The following MINAR1 variants were observed in gnomAD, a reference collection of about 807,000 sequenced individuals.
The protein encoded by MINAR1 is major intrinsically disordered Notch2-binding receptor 1.
MINAR1 carries 40 observed loss-of-function variants against 65.1 expected under a neutral mutation model. That is an observed-to-expected ratio of 0.61 (90% confidence interval 0.48 to 0.80). The LOEUF is 0.80. Ranked by LOEUF, MINAR1 falls within the 30% of genes least tolerant of loss-of-function variation. The pLI is 0.00. For missense variants in MINAR1, 1,128 were observed against 1,148.0 expected, an observed-to-expected ratio of 0.98 and a Z score of 0.25; for synonymous variants, 482 against 449.1, an observed-to-expected ratio of 1.07 and a Z score of -0.93.
At chr15:79,430,546 C>A (rs1453464169), upstream of MINAR1, among the ~76,000 whole-genome samples, 1 of 152,198 alleles carries the variant, frequency 6.6e-6, no homozygotes, top group African/African-American at 2.4e-5. Context: ...GCTTCTTACC[C>A]TGGGGACCCC....
the MINAR1 span, chr15:79,413,287 C>T: frequency 6.6e-6 from 1 of 152,370 alleles, no homozygotes; most frequent in African/African-American, 2.4e-5. Flanking sequence ...TGGACCCAAG[C>T]TCCCTTCAAA....
chr15:79,467,503 G>C (rs1895910963), intron 3 of MINAR1, among the ~76,000 whole-genome samples: 1 of 152,148 alleles, frequency 6.6e-6, no homozygotes, highest in South Asian at 2.1e-4. Context: ...TAACCTCAGG[G>C]AGATCAGCAG....
At chr15:79,411,979 T>C in the MINAR1 span, 1 of 155,058 alleles carries the variant, frequency 6.4e-6, no homozygotes, top group Non-Finnish European at 1.4e-5. Flanking sequence ...TTCTGGTCTC[T>C]CCTGGAGCCC....
chr15:79,447,681 T>C (rs1365082301), intron 1 of MINAR1, among the ~76,000 whole-genome samples: 1 of 152,226 alleles, frequency 6.6e-6, no homozygotes, highest in Non-Finnish European at 1.5e-5. Context: ...ATTAGCAGCA[T>C]GGAACTGATT....
In MINAR1 at chr15:79,469,742, C is replaced by T. The variant is rs1896006840; in HGVS notation, c.*1358C>T. 2 of 152,550 alleles carry T rather than the reference C, an allele frequency of 1.3e-5. No homozygotes were observed. Among genetic ancestry groups the T allele is most frequent in the Non-Finnish European group, 2.9e-5 (2 of 68,046 alleles). The allele number at this position is 152,550 out of a possible 1,614,324, so 9.4% of individuals were successfully genotyped here. The stretch of plus-strand genomic sequence containing the variant: ...AAAGAATCCTTATCAGCATCTGATT[C>T]CAATGTCTTGTTACAGGTCAAAGAA... On this transcript the variant is annotated 3_prime_UTR_variant, in exon 4 of 4. Transcript: ENST00000305428.
chr15:79,428,712 T>C (rs1192849704), upstream of MINAR1, among the ~76,000 whole-genome samples: 1 of 152,172 alleles, frequency 6.6e-6, no homozygotes, highest in Non-Finnish European at 1.5e-5. Context: ...CTATCTCAAG[T>C]TTACCTAGAT....
chr15:79,463,407 G>T (rs1000626261), intron 3 of MINAR1, 86 bp downstream of exon 3: 18 of 1,521,264 alleles, frequency 1.2e-5, no homozygotes, highest in Non-Finnish European at 1.4e-5. Context: ...GCTTAGACCG[G>T]CCAGCCCACT....
upstream of MINAR1, among the ~76,000 whole-genome samples, chr15:79,429,658 A>G (rs1357233926): frequency 6.6e-6 from 1 of 152,198 alleles, no homozygotes; most frequent in African/African-American, 2.4e-5. Context: ...TAAACTACTT[A>G]TCCTGGGAGG....
At chr15:79,434,278 TA>T (rs1237242251) in intron 1 of MINAR1, among the ~76,000 whole-genome samples, 4 of 152,232 alleles carry the variant, frequency 2.6e-5, no homozygotes, top group African/African-American at 9.6e-5. Context: ...TTTAGATACA[TA>T]ATGCGATTTT....
chr15:79,427,532 G>A (rs1470113503), upstream of MINAR1: 1 of 152,200 alleles, frequency 6.6e-6, no homozygotes, highest in Non-Finnish European at 1.5e-5. Context: ...GAGCTGGGGA[G>A]TGGCTCTATA....
intron 3 of MINAR1, among the ~76,000 whole-genome samples, chr15:79,465,211 C>T (rs114576482): frequency 0.016 from 2,397 of 152,212 alleles, 70 homozygotes; most frequent in African/African-American, 0.055. Flanking sequence ...AGGGTGTTTA[C>T]AGCAAAAAAG....
intron 1 of MINAR1, among the ~76,000 whole-genome samples, chr15:79,452,509 T>C (rs1371188381): frequency 1.3e-5 from 2 of 148,636 alleles, no homozygotes. Flanking sequence ...TGAAGCTATA[T>C]GAATGTATGG....
chr15:79,450,113 G>A (rs1369777127), intron 1 of MINAR1, among the ~76,000 whole-genome samples: 1 of 152,182 alleles, frequency 6.6e-6, no homozygotes, highest in African/African-American at 2.4e-5. Flanking sequence ...TAGGGGTCAG[G>A]AACCCTGGGT....
Position 79,469,952 on chromosome 15 carries a change from CT to C in MINAR1, c.*1570del, listed in dbSNP as rs1896017608. The C allele has an allele frequency of 6.6e-6, 1 of 152,560 alleles. No individual in the cohort carries two copies. Among genetic ancestry groups the C allele is most frequent in the African/African-American group, 2.4e-5 (1 of 41,412 alleles). The allele number at this position is 152,560 out of a possible 1,614,324, so 9.5% of individuals were successfully genotyped here. On this transcript the variant is annotated 3_prime_UTR_variant, in exon 4 of 4. Transcript: ENST00000305428. ...CCATTCTGAAAAATCGCAAATAATG[CT>C]TAGCTTGCTGTGTCTGATTCTGTTG... is the stretch of plus-strand genomic sequence containing the variant.
chr15:79,462,151 G>A (rs1895669003), intron 2 of MINAR1, among the ~76,000 whole-genome samples: 1 of 152,088 alleles, frequency 6.6e-6, no homozygotes. Context: ...CTTCTACTTG[G>A]TGGTATTACG....
chr15:79,430,564 CCTT>C (rs1263037106), upstream of MINAR1, among the ~76,000 whole-genome samples: 3 of 152,186 alleles, frequency 2.0e-5, no homozygotes, highest in African/African-American at 7.2e-5. Flanking sequence ...CCCCTTTACT[CCTT>C]AAGCTTATGC....
rs188750611 is a variant in MINAR1, at chr15:79,471,589, G to A, written c.*3205G>A. Reference sequence around the variant, plus strand: ...CATCTGTAAGGCTAGTTTAATAGACGTGCTAAATATCACTGTTCTGAATAT... The same window carrying A: ...CATCTGTAAGGCTAGTTTAATAGACATGCTAAATATCACTGTTCTGAATAT... On this transcript the variant is annotated 3_prime_UTR_variant, in exon 4 of 4. Coordinates refer to ENST00000305428, the MANE Select transcript of MINAR1 (RefSeq NM_015206.3). 5 of 152,588 alleles carry A rather than the reference G, an allele frequency of 3.3e-5. No homozygotes were observed. Among genetic ancestry groups the A allele is most frequent in the Admixed American group, 2.0e-4 (3 of 15,296 alleles). 9.5% of individuals were successfully genotyped at this position (152,588 alleles called of 1,614,324 possible).
intron 1 of MINAR1, among the ~76,000 whole-genome samples, chr15:79,445,011 A>C (rs3927655): frequency 6.6e-6 from 1 of 151,910 alleles, no homozygotes; most frequent in Non-Finnish European, 1.5e-5. Context: ...AATTTCATAT[A>C]TTTCCTAGAA....
At chr15:79,437,921 G>C (rs1012487166) in intron 1 of MINAR1, among the ~76,000 whole-genome samples, 1 of 13,196 alleles carries the variant, frequency 7.6e-5, no homozygotes, top group Non-Finnish European at 1.7e-4. Flanking sequence ...GTGAGTGTGT[G>C]GGGTGTGGAT....
Sources: gnomAD v4.1 joint callset for allele counts (sites outside exome capture counted in the v4.1 genomes callset) on GRCh38, gnomAD v4.1.1 for gene constraint, MANE v1.5 for transcripts, NCBI Gene and HGNC (gene_info 2026-07-23, HGNC 2026-07-21) for gene names.